Variants in HOXD11 observed in about 807,000 individuals in gnomAD.
The protein encoded by HOXD11 is homeobox protein Hox-D11.
In HOXD11, 16 loss-of-function variants were observed where a neutral mutation model predicts 23.1. The ratio of observed to expected loss-of-function variants is 0.69; its 90% CI spans 0.47 to 1.05. The LOEUF (loss-of-function observed/expected upper bound fraction) is 1.05, where lower values mean the gene tolerates loss of function less well. Ranked by LOEUF, HOXD11 falls within the 50% of genes least tolerant of loss-of-function variation. The pLI, the probability that HOXD11 is intolerant of heterozygous loss-of-function variation, is 0.00. For missense variants in HOXD11, 564 were observed against 495.6 expected, an observed-to-expected ratio of 1.14 and a Z score of -1.31; for synonymous variants, 262 against 224.4, an observed-to-expected ratio of 1.17 and a Z score of -1.50.
rs751268139 is a variant in HOXD11, at chr2:176,107,409, C to G, written c.54C>G (p.Gly18=). The G allele has an allele frequency of 1.2e-6, 2 of 1,613,714 alleles. No homozygotes were observed. The highest frequency in any genetic ancestry group is 4.5e-5 in the East Asian group (2 of 44,818). The change falls in exon 1 of 2, where the codon GGC becomes GGG. Residue 18 remains glycine, a synonymous_variant. Coordinates refer to ENST00000249504, the MANE Select transcript of HOXD11 (RefSeq NM_021192.3). ...GQSAASMYLP[G]CAYYVAPSDF... ...GCGCAGCCAGCATGTACCTGCCGGGCTGCGCCTACTATGTGGCCCCGTCTG... is the reference window on the plus strand; with the variant it reads ...GCGCAGCCAGCATGTACCTGCCGGGGTGCGCCTACTATGTGGCCCCGTCTG...
downstream of HOXD11, chr2:176,111,279 C>G (rs1038151108): frequency 2.6e-5 from 4 of 151,664 alleles, no homozygotes; most frequent in African/African-American, 9.7e-5. Flanking sequence ...TGTTTTTTTT[C>G]TTTCTGTTTC....
At chr2:176,108,733 T>G (rs1689626832) in intron 1 of HOXD11, 174 bp from the exon 2 acceptor site, 3 of 600,298 alleles carry the variant, frequency 5.0e-6, no homozygotes, top group Admixed American at 5.9e-5. Flanking sequence ...CCGCACTCTC[T>G]CCTGTGCCCG....
downstream of HOXD11, chr2:176,111,400 C>T (rs911617570): frequency 6.6e-6 from 1 of 151,864 alleles, no homozygotes; most frequent in African/African-American, 2.4e-5. Context: ...GAGATCCACA[C>T]GAGGGCGCGC....
chr2:176,111,843 A>AAAAAAAAAAC (rs1559115548), downstream of HOXD11, among the ~76,000 whole-genome samples: 3 of 148,096 alleles, frequency 2.0e-5, no homozygotes, highest in African/African-American at 7.6e-5. Context: ...AAAAAAAAAA[A>AAAAAAAAAAC]AAAAAACCTT....
At position 176,107,882 on chromosome 2, in the gene HOXD11, A is replaced by G; in HGVS notation, c.527A>G (p.Gln176Arg). 1.4e-6 allele frequency: 2 copies of G among 1,455,120 alleles called. No individual in the cohort carries two copies. The highest frequency in any genetic ancestry group is 1.8e-6 in the Non-Finnish European group (2 of 1,101,810). The allele number at this position is 1,455,120 out of a possible 1,614,324, so 90.1% of individuals were successfully genotyped here. Residue 176 changes from glutamine to arginine, a missense_variant, in exon 1 of 2, where the codon CAG becomes CGG. Transcript: ENST00000249504. Reference protein sequence around the residue: ...SAVGRNGILPQGFDQFYEAAP... With the variant: ...SAVGRNGILPRGFDQFYEAAP... The stretch of plus-strand genomic sequence containing the variant: ...GTGGGCCGCAATGGCATCTTGCCAC[A>G]GGGCTTCGACCAGTTCTACGAGGCA...
At chr2:176,113,383 C>T (rs1689703306), downstream of HOXD11, among the ~76,000 whole-genome samples, 1 of 152,162 alleles carries the variant, frequency 6.6e-6, no homozygotes, top group East Asian at 1.9e-4. Flanking sequence ...TTAATTTTTC[C>T]CTGGAAAGAA....
In HOXD11 at chr2:176,108,961, G is replaced by A. The variant is rs751046676; in HGVS notation, c.836G>A (p.Arg279His). 3 of 1,613,984 alleles carry A rather than the reference G, an allele frequency of 1.9e-6. No individual in the cohort carries two copies. The highest frequency in any genetic ancestry group is 1.7e-5 in the Admixed American group (1 of 60,000). ...KRCPYTKYQI[R>H]ELEREFFFNV... Reference sequence around the variant, plus strand: ...TGTCCCTATACCAAGTACCAGATCCGCGAACTGGAACGCGAGTTTTTCTTT... The same window carrying A: ...TGTCCCTATACCAAGTACCAGATCCACGAACTGGAACGCGAGTTTTTCTTT... Residue 279 changes from arginine to histidine, a missense_variant, in exon 2 of 2, where the codon CGC becomes CAC. Arg to His is a conservative substitution (Grantham distance 29). Transcript: ENST00000249504.
chr2:176,113,519 A>T, downstream of HOXD11, among the ~76,000 whole-genome samples: 1 of 152,226 alleles, frequency 6.6e-6, no homozygotes, highest in East Asian at 1.9e-4. Context: ...CATCAGCTAC[A>T]TTAAATACTC....
At chr2:176,111,163 A>G (rs1689667141), downstream of HOXD11, among the ~76,000 whole-genome samples, 1 of 152,224 alleles carries the variant, frequency 6.6e-6, no homozygotes, top group African/African-American at 2.4e-5. Context: ...ATGGAAACAA[A>G]GCCTACAATC....
In HOXD11 at chr2:176,107,614, G is replaced by A. The variant is rs767985663; in HGVS notation, c.259G>A (p.Gly87Ser). The change falls in exon 1 of 2, where the codon GGC becomes AGC. Residue 87 changes from glycine to serine, a missense_variant. By Grantham distance (56) the Gly-to-Ser change is moderately conservative. Coordinates refer to ENST00000249504, the MANE Select transcript of HOXD11 (RefSeq NM_021192.3). ...GGGGGGSAGG[G>S]SSGGGPGGGG... ...CGGCGGCGGCGGCAGCGCGGGGGGC[G>A]GCAGCAGCGGGGGCGGCCCCGGCGG... 5.1e-5 allele frequency: 59 copies of A among 1,159,534 alleles called. 1 individual carries two copies. The South Asian group carries it at 2.0e-3, about 39-fold the overall frequency. 71.8% of individuals were successfully genotyped at this position (1,159,534 alleles called of 1,614,324 possible).
At chr2:176,114,154 C>T (rs966318291), downstream of HOXD11, among the ~76,000 whole-genome samples, 2 of 152,208 alleles carry the variant, frequency 1.3e-5, no homozygotes, top group African/African-American at 4.8e-5. Flanking sequence ...AAGCTAGTGT[C>T]AGGGCGCCTG....
rs1234790471 is a variant in HOXD11, at chr2:176,109,611, T to G, written c.*469T>G. On this transcript the variant is annotated 3_prime_UTR_variant, in exon 2 of 2. Coordinates refer to ENST00000249504, the MANE Select transcript of HOXD11 (RefSeq NM_021192.3). ...CAAGGCATGAGTCACTGTCTTTTTT[T>G]GTGTGAATAAATGGTTTCTAGTAAA... The G allele has an allele frequency of 1.3e-5, 3 of 228,760 alleles. No homozygotes were observed. Among genetic ancestry groups the G allele is most frequent in the Non-Finnish European group, 2.6e-5 (3 of 115,328 alleles). 14.2% of individuals were successfully genotyped at this position (228,760 alleles called of 1,614,324 possible).
At chr2:176,111,362 G>C (rs572794054), downstream of HOXD11, 3 of 151,904 alleles carry the variant, frequency 2.0e-5, no homozygotes, top group Middle Eastern at 3.4e-3. Context: ...CCGAACCCGA[G>C]ATACCATTTT....
Position 176,107,399 on chromosome 2 carries a change from A to C in HOXD11, c.44A>C (p.Tyr15Ser). 2 of 1,613,218 alleles carry C rather than the reference A, an allele frequency of 1.2e-6. No homozygotes were observed. Among genetic ancestry groups the C allele is most frequent in the South Asian group, 2.2e-5 (2 of 90,956 alleles). The change falls in exon 1 of 2, where the codon TAC (tyrosine) becomes TCC (serine). Residue 15 changes from tyrosine to serine, a missense_variant. Transcript: ENST00000249504. Reference protein sequence around the residue: ...DECGQSAASMYLPGCAYYVAP... With the variant: ...DECGQSAASMSLPGCAYYVAP... ...TGCGGCCAGAGCGCAGCCAGCATGTACCTGCCGGGCTGCGCCTACTATGTG... is the reference window on the plus strand; with the variant it reads ...TGCGGCCAGAGCGCAGCCAGCATGTCCCTGCCGGGCTGCGCCTACTATGTG...
rs1417876002 is a variant in HOXD11, at chr2:176,109,171, C to T, written c.*29C>T. The T allele has an allele frequency of 1.5e-6, 2 of 1,335,894 alleles. No homozygotes were observed. The highest frequency in any genetic ancestry group is 1.7e-5 in the Admixed American group (1 of 59,236). 82.8% of individuals were successfully genotyped at this position (1,335,894 alleles called of 1,614,324 possible). A position where few individuals can be genotyped will look rare whatever the true frequency, so the allele number is the denominator to read the frequency against. The stretch of plus-strand genomic sequence containing the variant: ...CTCCAGGAAGCGCCCTCACCCCAGC[C>T]CCACTCACCCACCCTCCTTCCCACC... On this transcript the variant is annotated 3_prime_UTR_variant, in exon 2 of 2. Coordinates refer to ENST00000249504, the MANE Select transcript of HOXD11 (RefSeq NM_021192.3).
At chr2:176,111,834 A>AAAAAAC (rs1553518445), downstream of HOXD11, among the ~76,000 whole-genome samples, 1 of 146,848 alleles carries the variant, frequency 6.8e-6, no homozygotes, top group East Asian at 2.0e-4. Flanking sequence ...CGCAAAAAAA[A>AAAAAAC]AAAAAAAAAA....
At chr2:176,111,826 C>CAAAGAAAAAAAAAAAAAAAAA (rs1689676524), downstream of HOXD11, among the ~76,000 whole-genome samples, 1 of 22,740 alleles carries the variant, frequency 4.4e-5, no homozygotes, top group Non-Finnish European at 7.5e-5. Flanking sequence ...CTCCCCCCCG[C>CAAAGAAAAAAAAAAAAAAAAA]AAAAAAAAAA....
rs1045095107 is a variant in HOXD11 at position 176,109,209 on chromosome 2, G to T, written c.*67G>T. 2.1e-6 allele frequency: 2 copies of T among 935,124 alleles called. No individual in the cohort carries two copies. The highest frequency in any genetic ancestry group is 3.5e-6 in the Non-Finnish European group (2 of 574,812). 57.9% of individuals were successfully genotyped at this position (935,124 alleles called of 1,614,324 possible). On this transcript the variant is annotated 3_prime_UTR_variant, in exon 2 of 2. Coordinates refer to ENST00000249504, the MANE Select transcript of HOXD11 (RefSeq NM_021192.3). ...CCTCCTTCCCACCAGCCTGCTCTCC[G>T]CAGGCCCACTGTCCTTGGGTTTAAT...
downstream of HOXD11, among the ~76,000 whole-genome samples, chr2:176,114,745 C>T (rs1689724722): frequency 6.6e-6 from 1 of 152,242 alleles, no homozygotes; most frequent in Non-Finnish European, 1.5e-5. Context: ...CTTTAATGAA[C>T]CTCAGGCCCC....
Sources: gnomAD v4.1 joint callset for allele counts (sites outside exome capture counted in the v4.1 genomes callset) on GRCh38, gnomAD v4.1.1 for gene constraint, MANE v1.5 for transcripts, NCBI Gene and HGNC (gene_info 2026-07-23, HGNC 2026-07-21) for gene names.